The following SLC35F4 variants were observed in gnomAD, a reference collection of about 807,000 sequenced individuals.
The protein encoded by SLC35F4 is solute carrier family 35 member F4.
Under a neutral mutation model 44.2 loss-of-function variants are expected in SLC35F4, and 24 were observed. The ratio of observed to expected loss-of-function variants is 0.54; its 90% CI spans 0.39 to 0.76. SLC35F4 has a LOEUF of 0.76. SLC35F4 is among the 30% of genes least tolerant of loss of function. The probability of loss-of-function intolerance (pLI) is 0.00; values close to 1 mark genes in which losing one functional copy is unlikely to be tolerated. For synonymous variants in SLC35F4, 238 were observed against 223.6 expected (o/e 1.06, Z -0.57); for missense variants, 562 against 586.1 (o/e 0.96, Z 0.42).
upstream of SLC35F4, among the ~76,000 whole-genome samples, chr14:57,870,273 T>C (rs913081540): frequency 2.0e-5 from 3 of 152,020 alleles, no homozygotes; most frequent in Non-Finnish European, 2.9e-5. Context: ...TGTCTTTCTC[T>C]TTCTCCTTCT....
At chr14:57,601,124 T>C (rs1377224866) in intron 1 of SLC35F4, among the ~76,000 whole-genome samples, 2 of 152,074 alleles carry the variant, frequency 1.3e-5, no homozygotes, top group Admixed American at 1.3e-4. Flanking sequence ...ATAACTTGGC[T>C]GTTGGTCATA....
chr14:57,568,336 T>G (rs1487264999), intron 6 of SLC35F4, among the ~76,000 whole-genome samples: 1 of 152,242 alleles, frequency 6.6e-6, no homozygotes, highest in Non-Finnish European at 1.5e-5. Flanking sequence ...GGAGGGCTAC[T>G]TTGCAGCAGC....
At chr14:57,892,692 G>A (rs1888795055) in intron 1 of SLC35F4, among the ~76,000 whole-genome samples, 2 of 151,880 alleles carry the variant, frequency 1.3e-5, no homozygotes, top group African/African-American at 4.8e-5. Context: ...AAAATGACTT[G>A]GATTAGCACC....
intron 1 of SLC35F4, among the ~76,000 whole-genome samples, chr14:57,762,829 T>C (rs192912417): frequency 1.3e-5 from 2 of 152,218 alleles, no homozygotes; most frequent in East Asian, 3.9e-4. Flanking sequence ...CCTTGCCAAA[T>C]AAGCTTCTTT....
chr14:57,869,734 G>T (rs75639527), upstream of SLC35F4, among the ~76,000 whole-genome samples: 68 of 152,338 alleles, frequency 4.5e-4, 2 homozygotes, highest in East Asian at 0.013. Flanking sequence ...AACAGTGTTA[G>T]TGTTTAAAAG....
Position 57,886,843 on chromosome 14 carries a change from T to A in SLC35F4, n.282+95070A>T, listed in dbSNP as rs558655624. 3.3e-5 allele frequency among the ~76,000 whole-genome samples: 5 copies of A among 151,722 alleles called. 1 individual carries two copies. The highest frequency in any genetic ancestry group is 9.7e-5 in the African/African-American group (4 of 41,378). The stretch of plus-strand genomic sequence containing the variant: ...TTAACCAGGCATAAAAAATAAGGAG[T>A]ACATTTGGATGCCACAAGTTCATCT... On this transcript the variant is annotated intron_variant and non_coding_transcript_variant, in intron 1 of 1. Transcript: ENST00000556568.
intron 1 of SLC35F4, among the ~76,000 whole-genome samples, chr14:57,895,090 C>A (rs1213946020): frequency 6.6e-6 from 1 of 152,082 alleles, no homozygotes; most frequent in Non-Finnish European, 1.5e-5. Flanking sequence ...AGGGAGGCTA[C>A]CTGGGTACCC....
intron 1 of SLC35F4, among the ~76,000 whole-genome samples, chr14:57,932,105 A>C (rs977819060): frequency 1.3e-5 from 2 of 152,202 alleles, no homozygotes; most frequent in African/African-American, 4.8e-5. Flanking sequence ...TGTCCACCTT[A>C]TAATACCTTC....
intron 1 of SLC35F4, among the ~76,000 whole-genome samples, chr14:57,767,954 G>T (rs2140662873): frequency 6.6e-6 from 1 of 152,140 alleles, no homozygotes; most frequent in Middle Eastern, 3.4e-3. Context: ...ACTCTATCAA[G>T]GTGAACTAGA....
chr14:57,811,945 G>A (rs1699605922), intron 1 of SLC35F4, among the ~76,000 whole-genome samples: 1 of 152,140 alleles, frequency 6.6e-6, no homozygotes, highest in African/African-American at 2.4e-5. Flanking sequence ...TCATGCCACT[G>A]CACTCCAGCC....
At chr14:57,742,517 G>A (rs1158939089) in intron 1 of SLC35F4, among the ~76,000 whole-genome samples, 1 of 152,162 alleles carries the variant, frequency 6.6e-6, no homozygotes, top group Non-Finnish European at 1.5e-5. Flanking sequence ...TCAACAAGAA[G>A]AGCTAACTAT....
intron 1 of SLC35F4, among the ~76,000 whole-genome samples, chr14:57,660,249 C>T (rs1342378991): frequency 6.6e-6 from 1 of 152,100 alleles, no homozygotes; most frequent in South Asian, 2.1e-4. Flanking sequence ...CATGTTTATG[C>T]ACATAGAACT....
chr14:57,593,381 A>G (rs959167791), intron 2 of SLC35F4, among the ~76,000 whole-genome samples: 1 of 152,160 alleles, frequency 6.6e-6, no homozygotes, highest in Admixed American at 6.5e-5. Flanking sequence ...CCAGTCAGTA[A>G]CCCAGGAGTT....
intron 1 of SLC35F4, among the ~76,000 whole-genome samples, chr14:57,841,239 G>T (rs1226775216): frequency 6.6e-6 from 1 of 152,172 alleles, no homozygotes; most frequent in East Asian, 1.9e-4. Context: ...CAGGTGATGG[G>T]GGAAGAGCCC....
chr14:57,698,609 T>A (rs546896204), intron 1 of SLC35F4, among the ~76,000 whole-genome samples: 1 of 152,064 alleles, frequency 6.6e-6, no homozygotes, highest in Non-Finnish European at 1.5e-5. Flanking sequence ...TGAGAAAGAA[T>A]TGTATTCCAG....
At chr14:57,705,797 C>G (rs550767055) in intron 1 of SLC35F4, among the ~76,000 whole-genome samples, 1 of 152,312 alleles carries the variant, frequency 6.6e-6, no homozygotes, top group Non-Finnish European at 1.5e-5. Context: ...AAGCCTTTGA[C>G]TGCATCTGTT....
At chr14:57,683,726 C>G (rs998873124) in intron 1 of SLC35F4, among the ~76,000 whole-genome samples, 1 of 152,128 alleles carries the variant, frequency 6.6e-6, no homozygotes, top group Non-Finnish European at 1.5e-5. Flanking sequence ...AGTTAAAAAA[C>G]GTCAGCCTAA....
At chr14:57,591,953 G>A (rs1819008390) in intron 2 of SLC35F4, among the ~76,000 whole-genome samples, 1 of 152,186 alleles carries the variant, frequency 6.6e-6, no homozygotes. Flanking sequence ...GACACCAATA[G>A]TCACCTACAC....
chr14:57,607,686 T>G (rs1355287070), intron 1 of SLC35F4, among the ~76,000 whole-genome samples: 2 of 152,176 alleles, frequency 1.3e-5, no homozygotes, highest in Admixed American at 1.3e-4. Context: ...ATCATCGGAT[T>G]TGAGTTTTTA....
Sources: gnomAD v4.1 joint callset for allele counts (sites outside exome capture counted in the v4.1 genomes callset) on GRCh38, gnomAD v4.1.1 for gene constraint, MANE v1.5 for transcripts, NCBI Gene and HGNC (gene_info 2026-07-23, HGNC 2026-07-21) for gene names.